Variants in KLRD1 observed in about 807,000 individuals in gnomAD.
KLRD1 encodes killer cell lectin like receptor D1, also known as natural killer cells antigen CD94.
KLRD1 carries 21 observed loss-of-function variants against 22.6 expected under a neutral mutation model. That is an observed-to-expected ratio of 0.93 (90% CI 0.66 to 1.34). KLRD1 has a LOEUF of 1.34. Among genes scored for constraint, KLRD1 ranks in the 40% most tolerant of loss-of-function variants. The pLI is 0.00. For synonymous variants in KLRD1, 59 were observed against 71.1 expected, an observed-to-expected ratio of 0.83 and a Z score of 0.85; for missense variants, 183 against 208.6, an observed-to-expected ratio of 0.88 and a Z score of 0.76.
chr12:10,309,000 A>G (rs893489753), intron 1 of KLRD1: 2 of 167,720 alleles, frequency 1.2e-5, no homozygotes, highest in African/African-American at 4.8e-5. Context: ...GAACCATACT[A>G]TCTATCTTGT....
In KLRD1 at chr12:10,251,249, C is replaced by T. The variant is rs138656414; in HGVS notation, c.-101+25016C>T. Among the ~76,000 whole-genome samples, 364 of 152,158 alleles carry T rather than the reference C, an allele frequency of 2.4e-3. 2 individuals carry two copies. Among genetic ancestry groups the T allele is most frequent in the Middle Eastern group, 0.01 (3 of 294 alleles). ...AAGCAATTCTCCTGCCTTGGCCTCC[C>T]GAGTAGCTGCGATTACAGGCAAGCA... On this transcript the variant is annotated intron_variant, in intron 1 of 5. Coordinates refer to the KLRD1 transcript ENST00000544747.
chr12:10,239,576 TTTC>T (rs1949222122), intron 1 of KLRD1, among the ~76,000 whole-genome samples: 2 of 140,404 alleles, frequency 1.4e-5, no homozygotes, highest in Admixed American at 7.0e-5. Flanking sequence ...TCTTTCTTTC[TTTC>T]TTTCTTTTTC....
chr12:10,300,876 T>C (rs973508984), upstream of KLRD1, among the ~76,000 whole-genome samples: 21 of 152,260 alleles, frequency 1.4e-4, no homozygotes, highest in Non-Finnish European at 4.4e-5. Flanking sequence ...TTGTATGTTA[T>C]GGAAACAACC....
chr12:10,285,312 A>C (rs1221867619), intron 1 of KLRD1, among the ~76,000 whole-genome samples: 2 of 152,208 alleles, frequency 1.3e-5, no homozygotes, highest in African/African-American at 4.8e-5. Context: ...TCCTTCTTTT[A>C]AAAACAGTCT....
rs561865755 is a variant in KLRD1 at position 10,262,788 on chromosome 12, TAC to T, written c.-101+36561_-101+36562del. Among the ~76,000 whole-genome samples the T allele has an allele frequency of 5.1e-3, 780 of 152,096 alleles. 5 individuals carry two copies. Among genetic ancestry groups the T allele is most frequent in the Middle Eastern group, 0.044 (13 of 294 alleles). ...AATAAAACAGATATCCAAAATTTCT[TAC>T]ACACAATTTATGCATTCATTGTTTT... On this transcript the variant is annotated intron_variant, in intron 1 of 5. Transcript: ENST00000544747.
chr12:10,304,163 A>C (rs1449633819), upstream of KLRD1, among the ~76,000 whole-genome samples: 1 of 152,222 alleles, frequency 6.6e-6, no homozygotes, highest in East Asian at 1.9e-4. Flanking sequence ...AGATGCAGAC[A>C]AAACAGTGGA....
chr12:10,249,371 T>A (rs1329010586), intron 1 of KLRD1, among the ~76,000 whole-genome samples: 2 of 152,146 alleles, frequency 1.3e-5, no homozygotes, highest in Non-Finnish European at 2.9e-5. Context: ...GAAGAAACAA[T>A]AACAACAGTT....
At chr12:10,242,943 C>T (rs190536651) in intron 1 of KLRD1, among the ~76,000 whole-genome samples, 1 of 152,102 alleles carries the variant, frequency 6.6e-6, no homozygotes, top group Non-Finnish European at 1.5e-5. Flanking sequence ...AAATACTATT[C>T]ACCCTTAAAA....
intron 1 of KLRD1, among the ~76,000 whole-genome samples, chr12:10,243,395 C>T (rs1002124863): frequency 4.0e-5 from 6 of 151,836 alleles, no homozygotes; most frequent in African/African-American, 1.5e-4. Context: ...AGGTGGATCA[C>T]CTGAGGTCAG....
chr12:10,272,932 AT>A (rs1449727916), intron 1 of KLRD1, among the ~76,000 whole-genome samples: 1 of 152,184 alleles, frequency 6.6e-6, no homozygotes, highest in African/African-American at 2.4e-5. Flanking sequence ...CGTAATATAA[AT>A]AAATGACATT....
At chr12:10,272,206 A>T (rs1410477983) in intron 1 of KLRD1, among the ~76,000 whole-genome samples, 1 of 152,156 alleles carries the variant, frequency 6.6e-6, no homozygotes, top group Non-Finnish European at 1.5e-5. Flanking sequence ...ATTCTCACTA[A>T]ATAAATTCCT....
intron 1 of KLRD1, among the ~76,000 whole-genome samples, chr12:10,297,298 T>C (rs1949830980): frequency 6.6e-6 from 1 of 152,196 alleles, no homozygotes; most frequent in South Asian, 2.1e-4. Flanking sequence ...TTTATAACTG[T>C]TTTCTTAGGA....
At chr12:10,301,332 C>T (rs1457265007), upstream of KLRD1, among the ~76,000 whole-genome samples, 1 of 152,030 alleles carries the variant, frequency 6.6e-6, no homozygotes, top group Non-Finnish European at 1.5e-5. Flanking sequence ...TTCTGCATAC[C>T]AACAAAACCA....
At chr12:10,281,581 A>C (rs1275132136) in intron 1 of KLRD1, among the ~76,000 whole-genome samples, 1 of 152,186 alleles carries the variant, frequency 6.6e-6, no homozygotes, top group Non-Finnish European at 1.5e-5. Flanking sequence ...GGATGTATCC[A>C]AGAACCCCCT....
chr12:10,241,938 G>A (rs1375335710), intron 1 of KLRD1, among the ~76,000 whole-genome samples: 3 of 151,962 alleles, frequency 2.0e-5, no homozygotes, highest in Admixed American at 6.6e-5. Context: ...CTGTGGTGTT[G>A]GAAAGCAGGC....
At chr12:10,259,754 T>C (rs1437629182) in intron 1 of KLRD1, among the ~76,000 whole-genome samples, 2 of 152,184 alleles carry the variant, frequency 1.3e-5, no homozygotes, top group African/African-American at 2.4e-5. Flanking sequence ...TCACGTGAAG[T>C]TGGGAGTTTG....
rs1211511423 is a variant in KLRD1 at position 10,317,959 on chromosome 12, C to G, written c.*3166C>G. On this transcript the variant is annotated 3_prime_UTR_variant, in exon 6 of 6. Coordinates refer to ENST00000336164, the MANE Select transcript of KLRD1 (RefSeq NM_002262.5). The stretch of plus-strand genomic sequence containing the variant: ...AATCATCAGATCTAGTGAGAACTCA[C>G]TCACTATCATGAGAACAGCAAAGAG... 2.0e-5 allele frequency: 3 copies of G among 152,146 alleles called. No individual in the cohort carries two copies. The highest frequency in any genetic ancestry group is 6.5e-5 in the Admixed American group (1 of 15,288). The allele number at this position is 152,146 out of a possible 1,614,324, so 9.4% of individuals were successfully genotyped here. A position where few individuals can be genotyped will look rare whatever the true frequency, so the allele number is the denominator to read the frequency against.
In KLRD1 at chr12:10,321,844, T is replaced by C. The variant is rs539876684; in HGVS notation, c.*7051T>C. 2 of 152,272 alleles carry C rather than the reference T, an allele frequency of 1.3e-5. No homozygotes were observed. The highest frequency in any genetic ancestry group is 1.3e-4 in the Admixed American group (2 of 15,278). The allele number at this position is 152,272 out of a possible 1,614,324, so 9.4% of individuals were successfully genotyped here. A position where few individuals can be genotyped will look rare whatever the true frequency, so the allele number is the denominator to read the frequency against. ...TCAGCCAGTGTCAAGCCTTAGAAAA[T>C]ACAACCCAACCTACATTTTTACTGC... On this transcript the variant is annotated 3_prime_UTR_variant, in exon 6 of 6. Transcript: ENST00000336164.
intron 1 of KLRD1, among the ~76,000 whole-genome samples, chr12:10,279,259 TTC>T (rs1949619607): frequency 6.6e-6 from 1 of 152,170 alleles, no homozygotes; most frequent in Admixed American, 6.5e-5. Context: ...GGTTTTCTGT[TTC>T]TGTGTTAGTT....
Sources: allele counts gnomAD v4.1 joint callset (sites outside exome capture counted in the v4.1 genomes callset), GRCh38; gene constraint gnomAD v4.1.1; transcripts MANE v1.5; gene names NCBI Gene and HGNC (gene_info 2026-07-23, HGNC 2026-07-21).